Variants in IL1RAPL1 observed in about 807,000 individuals in gnomAD.
The protein encoded by IL1RAPL1 is interleukin 1 receptor accessory protein like 1.
In IL1RAPL1, 3 loss-of-function variants were observed where a neutral mutation model predicts 48.4. The ratio of observed to expected loss-of-function variants is 0.06; its 90% CI spans 0.03 to 0.16. The LOEUF (loss-of-function observed/expected upper bound fraction) is 0.16, where lower values mean the gene tolerates loss of function less well. Ranked by LOEUF, IL1RAPL1 falls within the 10% of genes least tolerant of loss-of-function variation. The pLI is 1.00. For synonymous variants in IL1RAPL1, 185 were observed against 187.7 expected (o/e 0.99, Z 0.12); for missense variants, 349 against 530.6 (o/e 0.66, Z 3.36).
intron 6 of IL1RAPL1, among the ~76,000 whole-genome samples, chrX:29,793,504 A>G (rs965320245): frequency 6.2e-5 from 7 of 112,103 alleles, no homozygotes; most frequent in African/African-American, 2.3e-4. Flanking sequence ...TAATTAATCT[A>G]TTAACAGAGT....
At chrX:29,096,620 C>CA (rs1292098886) in intron 2 of IL1RAPL1, among the ~76,000 whole-genome samples, 3 of 110,844 alleles carry the variant, frequency 2.7e-5, no homozygotes, top group Non-Finnish European at 5.7e-5. Flanking sequence ...CTAGTATTCA[C>CA]AATATCTCTT....
In IL1RAPL1 at chrX:28,916,511, C is replaced by T. The variant is rs1243527709; in HGVS notation, c.82+127086C>T. Among the ~76,000 whole-genome samples, 5 of 112,219 alleles carry T rather than the reference C, an allele frequency of 4.5e-5. No individual in the cohort carries two copies. In the East Asian group the frequency reaches 1.4e-3, roughly 32 times the overall value. On this transcript the variant is annotated intron_variant, in intron 2 of 10. Coordinates refer to ENST00000378993, the MANE Select transcript of IL1RAPL1 (RefSeq NM_014271.4). ...CCAGAATAGCTGTGTATTGTCAAGC[C>T]CTAACAGTTTATGAATAGATGCTCT...
At chrX:29,808,620 T>C (rs367726080) in intron 6 of IL1RAPL1, among the ~76,000 whole-genome samples, 3 of 111,840 alleles carry the variant, frequency 2.7e-5, no homozygotes, top group East Asian at 5.6e-4. Flanking sequence ...TCTATCAGTT[T>C]GTAAGAAGAG....
chrX:29,955,696 T>G lies in IL1RAPL1; in HGVS notation c.1967T>G (p.Leu656Arg). 4 of 1,211,166 alleles carry G rather than the reference T, an allele frequency of 3.3e-6. No homozygotes were observed. The highest frequency in any genetic ancestry group is 4.5e-6 in the Non-Finnish European group (4 of 895,189). ...QHTYCNIPMTLINGQRPQTKS... is the reference protein window; with the variant it reads ...QHTYCNIPMTRINGQRPQTKS... Reference sequence around the variant, plus strand: ...ACCTACTGTAACATCCCTATGACACTCATCAACGGGCAGCGGCCACAGACA... The same window carrying G: ...ACCTACTGTAACATCCCTATGACACGCATCAACGGGCAGCGGCCACAGACA... The change falls in exon 11 of 11, where the codon CTC (leucine) becomes CGC (arginine). Residue 656 changes from leucine to arginine, a missense_variant. Leu to Arg is a moderately radical substitution (Grantham distance 102, BLOSUM62 -2). This residue lies in a region of IL1RAPL1 where 65 missense variants were observed against 79.6 expected (regional missense o/e 0.82). Coordinates refer to ENST00000378993, the MANE Select transcript of IL1RAPL1 (RefSeq NM_014271.4).
At chrX:28,806,372 T>C (rs922982920) in intron 2 of IL1RAPL1, among the ~76,000 whole-genome samples, 1 of 111,805 alleles carries the variant, frequency 8.9e-6, no homozygotes, top group Non-Finnish European at 1.9e-5. Context: ...TACTTTGTTA[T>C]AATAGGAATT....
chrX:28,857,646 CTGCATCCATTGT>C (rs1921837917), intron 2 of IL1RAPL1, among the ~76,000 whole-genome samples: 1 of 111,390 alleles, frequency 9.0e-6, no homozygotes, highest in African/African-American at 3.3e-5. Context: ...GCTGAGTATT[CTGCATCCATTGT>C]TGAGACCTAT....
At chrX:29,703,581 G>T (rs373824682) in intron 6 of IL1RAPL1, among the ~76,000 whole-genome samples, 1 of 111,714 alleles carries the variant, frequency 9.0e-6, no homozygotes, top group African/African-American at 3.2e-5. Context: ...CTGACCTCAT[G>T]ATCTGCCTGC....
intron 3 of IL1RAPL1, among the ~76,000 whole-genome samples, chrX:29,295,689 G>A (rs1278331704): frequency 1.8e-5 from 2 of 111,320 alleles, no homozygotes; most frequent in Non-Finnish European, 3.8e-5. Flanking sequence ...AATTGTCTAG[G>A]CCTCAGGATT....
chrX:29,671,353 T>C (rs1207365130), intron 6 of IL1RAPL1, among the ~76,000 whole-genome samples: 1 of 111,935 alleles, frequency 8.9e-6, no homozygotes, highest in Non-Finnish European at 1.9e-5. Flanking sequence ...TAAATTCTTT[T>C]ATTGTAGAAA....
chrX:28,661,321 G>A (rs1457628581), intron 1 of IL1RAPL1, among the ~76,000 whole-genome samples: 1 of 111,549 alleles, frequency 9.0e-6, no homozygotes, highest in Non-Finnish European at 1.9e-5. Context: ...TAGAAAACTA[G>A]CATTTCTATG....
intron 2 of IL1RAPL1, among the ~76,000 whole-genome samples, chrX:28,843,031 AT>A (rs1921414547): frequency 9.1e-6 from 1 of 110,470 alleles, no homozygotes; most frequent in East Asian, 2.9e-4. Flanking sequence ...AGCTCAAGCA[AT>A]TTCGTGTCTT....
chrX:29,346,870 T>A (rs1251911432), intron 3 of IL1RAPL1, among the ~76,000 whole-genome samples: 1 of 112,244 alleles, frequency 8.9e-6, no homozygotes, highest in East Asian at 2.8e-4. Context: ...GTCACATTTT[T>A]AATGAGAATA....
intron 6 of IL1RAPL1, among the ~76,000 whole-genome samples, chrX:29,852,328 GA>G (rs201999200): frequency 2.0e-4 from 22 of 109,865 alleles, no homozygotes; most frequent in East Asian, 2.0e-3. Context: ...AATTAGAAGA[GA>G]AAAAAAAAGT....
At chrX:29,004,051 A>G (rs767827652) in intron 2 of IL1RAPL1, among the ~76,000 whole-genome samples, 2 of 111,361 alleles carry the variant, frequency 1.8e-5, no homozygotes, top group East Asian at 5.7e-4. Flanking sequence ...CTGAGGCAGG[A>G]GAATCACTTG....
intron 2 of IL1RAPL1, among the ~76,000 whole-genome samples, chrX:28,993,110 G>A (rs773240788): frequency 8.9e-6 from 1 of 111,889 alleles, no homozygotes; most frequent in Non-Finnish European, 1.9e-5. Context: ...AACATTCAGC[G>A]AAATTGCGAG....
chrX:28,992,518 GAAGA>G (rs1925633928), intron 2 of IL1RAPL1, among the ~76,000 whole-genome samples: 4 of 85,748 alleles, frequency 4.7e-5, no homozygotes, highest in African/African-American at 1.3e-4. Context: ...AAAAAAAAAA[GAAGA>G]AAAAAAAAAG....
At chrX:29,008,026 G>C (rs931303582) in intron 2 of IL1RAPL1, among the ~76,000 whole-genome samples, 7 of 111,822 alleles carry the variant, frequency 6.3e-5, no homozygotes, top group African/African-American at 2.0e-4. Context: ...ATTTGAGACA[G>C]CTTCTCACTC....
At chrX:29,194,937 C>T (rs923959298) in intron 2 of IL1RAPL1, among the ~76,000 whole-genome samples, 1 of 110,965 alleles carries the variant, frequency 9.0e-6, no homozygotes, top group Non-Finnish European at 1.9e-5. Flanking sequence ...TCCACAGTCA[C>T]CTCAGTTTAT....
intron 1 of IL1RAPL1, among the ~76,000 whole-genome samples, chrX:28,698,000 A>G (rs1431170548): frequency 1.8e-5 from 2 of 111,354 alleles, no homozygotes; most frequent in East Asian, 2.8e-4. Flanking sequence ...TAGTCCTCAA[A>G]CATGACAGCA....
Sources: gnomAD v4.1 joint callset for allele counts (sites outside exome capture counted in the v4.1 genomes callset) on GRCh38, gnomAD v4.1.1 for gene constraint, gnomAD v4.1.1 regional missense constraint, MANE v1.5 for transcripts, NCBI Gene and HGNC (gene_info 2026-07-23, HGNC 2026-07-21) for gene names.